PIDD1: variants seen among roughly 807,000 people sequenced by gnomAD.
The protein encoded by PIDD1 is p53-induced death domain-containing protein 1.
PIDD1 carries 72 observed loss-of-function variants against 80.0 expected under a neutral mutation model. That is an observed-to-expected ratio of 0.90 (90% confidence interval 0.74 to 1.09). The LOEUF is 1.09. PIDD1 is among the 50% of genes least tolerant of loss of function. The probability of loss-of-function intolerance (pLI) is 0.00; values close to 1 mark genes in which losing one functional copy is unlikely to be tolerated. For synonymous variants in PIDD1, 655 were observed against 543.5 expected (o/e 1.21, Z -2.85); for missense variants, 1,329 against 1,228.3 (o/e 1.08, Z -1.23).
chr11:805,702 T>C, upstream of PIDD1: 1 of 984,940 alleles, frequency 1.0e-6, no homozygotes, highest in Non-Finnish European at 1.2e-6. Context: ...ACCTCCTCTC[T>C]GGGCCTGCAA....
chr11:799,598 T>G, intron 15 of PIDD1, 33 bp from the exon 16 acceptor site: 1 of 1,562,596 alleles, frequency 6.4e-7, no homozygotes, highest in Non-Finnish European at 8.6e-7. Flanking sequence ...AGAGGGGTCC[T>G]GTCCACCTGC....
upstream of PIDD1, among the ~76,000 whole-genome samples, chr11:808,609 T>A (rs1195603896): frequency 6.6e-6 from 1 of 152,028 alleles, no homozygotes; most frequent in Non-Finnish European, 1.5e-5. Flanking sequence ...GGTGGGAGGA[T>A]CACCTGAGCC....
chr11:801,601 C>T lies in PIDD1; in HGVS notation c.1326G>A (p.Val442=). 1 of 1,562,428 alleles carries T rather than the reference C, an allele frequency of 6.4e-7. No homozygotes were observed. Among genetic ancestry groups the T allele is most frequent in the East Asian group, 2.4e-5 (1 of 42,106 alleles). ...CCACAAGGAACCAGGAGAAGTGGGGCACCTGGCAGTGAGCCCAGAGCCGCT... is the reference window on the plus strand; with the variant it reads ...CCACAAGGAACCAGGAGAAGTGGGGTACCTGGCAGTGAGCCCAGAGCCGCT... The part of the protein sequence containing the change: ...APQRLWAHCQ[V]PHFSWFLVVS... Residue 442 remains valine (V), a synonymous_variant, in exon 8 of 16, where the codon GTG becomes GTA. Transcript: ENST00000347755.
intron 15 of PIDD1, 102 bp downstream of exon 15, chr11:799,713 C>T (rs1565048961): frequency 2.2e-6 from 3 of 1,375,618 alleles, no homozygotes; most frequent in Non-Finnish European, 2.9e-6. Flanking sequence ...TTGCCCTTCC[C>T]CCACCTCCCC....
rs910215432 is a variant in PIDD1 at position 800,600 on chromosome 11, TCTC to T, written c.1981_1983del (p.Glu661del). The T allele has an allele frequency of 1.3e-6, 2 of 1,596,682 alleles. No homozygotes were observed. The highest frequency in any genetic ancestry group is 1.7e-6 in the Non-Finnish European group (2 of 1,173,966). ...GCAAAGAACTCTTCGCCCTCGAACATCTCCACCGTGTCAGAGGGCTCGGGGCCC... is the reference window on the plus strand; with the variant it reads ...GCAAAGAACTCTTCGCCCTCGAACATCACCGTGTCAGAGGGCTCGGGGCCC... On this transcript the variant is annotated inframe_deletion, in exon 12 of 16. Coordinates refer to ENST00000347755, the MANE Select transcript of PIDD1 (RefSeq NM_145886.4).
At chr11:807,262 G>A (rs1256203584), upstream of PIDD1, among the ~76,000 whole-genome samples, 1 of 151,764 alleles carries the variant, frequency 6.6e-6, no homozygotes, top group African/African-American at 2.4e-5. Flanking sequence ...AGGCCGAGGC[G>A]GGTGGATCAG....
upstream of PIDD1, among the ~76,000 whole-genome samples, chr11:808,827 C>A (rs923223553): frequency 6.6e-6 from 1 of 152,228 alleles, no homozygotes; most frequent in Admixed American, 6.5e-5. Context: ...GTAATGATAA[C>A]GAGGCCACAG....
At position 802,789 on chromosome 11, in the gene PIDD1, C is replaced by A; in HGVS notation, c.812G>T (p.Arg271Met). Residue 271 changes from arginine (R) to methionine (M), a missense_variant, in exon 4 of 16, where the codon AGG becomes ATG. Arg to Met is a moderately conservative substitution (Grantham distance 91). Coordinates refer to ENST00000347755, the MANE Select transcript of PIDD1 (RefSeq NM_145886.4). Reference sequence around the variant, plus strand: ...GGGCAGGTCCCGGAGCTGGTTGTCCCTCAGGTCGAGCCGGGTGAGGAGTGG... The same window carrying A: ...GGGCAGGTCCCGGAGCTGGTTGTCCATCAGGTCGAGCCGGGTGAGGAGTGG... The part of the protein sequence containing the change: ...RLPLLTRLDL[R>M]DNQLRDLPPE... 6.2e-7 allele frequency: 1 copy of A among 1,606,930 alleles called. No homozygotes were observed. The highest frequency in any genetic ancestry group is 2.2e-5 in the East Asian group (1 of 44,612).
upstream of PIDD1, among the ~76,000 whole-genome samples, chr11:808,497 G>A (rs1459357716): frequency 1.3e-5 from 2 of 152,232 alleles, no homozygotes; most frequent in Non-Finnish European, 2.9e-5. Flanking sequence ...GGGAGGCCCA[G>A]GTGGGAGGAT....
Position 800,975 on chromosome 11 carries a change from G to T in PIDD1, c.1766+10C>A. 1 of 1,575,356 alleles carries T rather than the reference G, an allele frequency of 6.3e-7. No homozygotes were observed. The highest frequency in any genetic ancestry group is 2.3e-5 in the East Asian group (1 of 44,336). Reference sequence around the variant, plus strand: ...GGGGAGGGGGGCTGAGAAAGCTGGGGGGCACTGACCAGGAGAAGTGTGTGA... The same window carrying T: ...GGGGAGGGGGGCTGAGAAAGCTGGGTGGCACTGACCAGGAGAAGTGTGTGA... On this transcript the variant is annotated intron_variant, in intron 10 of 15. Coordinates refer to ENST00000347755, the MANE Select transcript of PIDD1 (RefSeq NM_145886.4).
chr11:800,225 G>A lies in PIDD1; in HGVS notation c.2180C>T (p.Ala727Val), dbSNP rs138482552. The change falls in exon 14 of 16, where the codon GCG becomes GTG. Residue 727 changes from alanine to valine, a missense_variant. Physicochemically the swap from Ala to Val is moderately conservative, Grantham distance 64. Coordinates refer to ENST00000347755, the MANE Select transcript of PIDD1 (RefSeq NM_145886.4). ...VRGQVSFYRGAVPVRVPEEAE... is the reference protein window; with the variant it reads ...VRGQVSFYRGVVPVRVPEEAE... The stretch of plus-strand genomic sequence containing the variant: ...CTCCTCGGGCACCCGCACAGGCACC[G>A]CGCCACGGTAGAAGGACACCTGAAG... 2.0e-5 allele frequency: 32 copies of A among 1,609,914 alleles called. No homozygotes were observed. The highest frequency in any genetic ancestry group is 1.6e-4 in the Middle Eastern group (1 of 6,072).
At chr11:803,697 C>A (rs1293010393) in intron 2 of PIDD1, 110 bp from the exon 3 acceptor site, 1 of 1,250,076 alleles carries the variant, frequency 8.0e-7, no homozygotes, top group East Asian at 2.5e-5. Context: ...TCCCACCCCA[C>A]CCCCACCCCA....
chr11:800,627 C>T lies in PIDD1; in HGVS notation c.1957G>A (p.Gly653Ser), dbSNP rs1460278876. 2 of 1,599,070 alleles carry T rather than the reference C, an allele frequency of 1.3e-6. No individual in the cohort carries two copies. The highest frequency in any genetic ancestry group is 2.7e-5 in the African/African-American group (2 of 74,804). The change falls in exon 12 of 16, where the codon GGC becomes AGC. Residue 653 changes from glycine to serine, a missense_variant. By Grantham distance (56) the Gly-to-Ser change is moderately conservative. Transcript: ENST00000347755. Reference sequence around the variant, plus strand: ...TCCACCGTGTCAGAGGGCTCGGGGCCCCGGTACCGCTCCAGCAGCCGCCGA... The same window carrying T: ...TCCACCGTGTCAGAGGGCTCGGGGCTCCGGTACCGCTCCAGCAGCCGCCGA... ...TLRRLLERYRGPEPSDTVEMF... is the reference protein window; with the variant it reads ...TLRRLLERYRSPEPSDTVEMF...
In PIDD1 at chr11:800,351, A is replaced by G; in HGVS notation, c.2142T>C (p.Ala714=). 1 of 1,612,866 alleles carries G rather than the reference A, an allele frequency of 6.2e-7. No individual in the cohort carries two copies. The highest frequency in any genetic ancestry group is 8.5e-7 in the Non-Finnish European group (1 of 1,179,976). Reference sequence around the variant, plus strand: ...CGCCCACCTGGCCCCGCACAGCCTGAGCCTCCCGGTCCAGAGTGGTGGTCA... The same window carrying G: ...CGCCCACCTGGCCCCGCACAGCCTGGGCCTCCCGGTCCAGAGTGGTGGTCA... The part of the protein sequence containing the change: ...VYVTTTLDRE[A]QAVRGQVSFY... The change falls in exon 13 of 16, where the codon GCT becomes GCC. Residue 714 remains alanine (A), a synonymous_variant. Transcript: ENST00000347755.
At chr11:799,686 C>T (rs922944617) in intron 15 of PIDD1, 121 bp from the exon 16 acceptor site, 13 of 1,390,138 alleles carry the variant, frequency 9.4e-6, no homozygotes, top group Non-Finnish European at 8.6e-6. Flanking sequence ...CCAGACCTTT[C>T]CTTTCCAGCC....
chr11:801,209 G>A lies in PIDD1; in HGVS notation c.1630+9C>T, dbSNP rs199589415. 5.4e-3 allele frequency: 8,290 copies of A among 1,545,832 alleles called. 33 individuals are homozygous for A. The highest frequency in any genetic ancestry group is 8.7e-3 in the South Asian group (704 of 81,228). ...ACAGGTCCAGGTATGCCCCATGGCT[G>A]CCTCTCACCTGTGATGCCAGAGGGC... is the stretch of plus-strand genomic sequence containing the variant. On this transcript the variant is annotated intron_variant, in intron 9 of 15. Coordinates refer to ENST00000347755, the MANE Select transcript of PIDD1 (RefSeq NM_145886.4).
chr11:808,124 AAT>A (rs1491111909), upstream of PIDD1, among the ~76,000 whole-genome samples: 2 of 80,746 alleles, frequency 2.5e-5, no homozygotes, highest in Non-Finnish European at 5.4e-5. Flanking sequence ...TGTTTGGGAT[AAT>A]AAAAAAAAAG....
At chr11:803,651 C>T in intron 2 of PIDD1, 64 bp from the exon 3 acceptor site, 2 of 1,537,088 alleles carry the variant, frequency 1.3e-6, no homozygotes, top group Non-Finnish European at 8.8e-7. Context: ...ATCGACCCTG[C>T]CAGCCAGAGA....
chr11:802,556 A>G lies in PIDD1; in HGVS notation c.961T>C (p.Ser321Pro). 1 of 1,613,356 alleles carries G rather than the reference A, an allele frequency of 6.2e-7. No homozygotes were observed. Among genetic ancestry groups the G allele is most frequent in the Non-Finnish European group, 8.5e-7 (1 of 1,179,728 alleles). The change falls in exon 5 of 16, where the codon TCA (serine) becomes CCA (proline). Residue 321 changes from serine (S) to proline (P), a missense_variant. Ser to Pro is a moderately conservative substitution (Grantham distance 74). Coordinates refer to ENST00000347755, the MANE Select transcript of PIDD1 (RefSeq NM_145886.4). ...CCCACCCCATACCTGTCCAAATCTG[A>G]GGTCAGGAACAGTCTGGGCATTTCT... is the stretch of plus-strand genomic sequence containing the variant. ...IPEMPRLFLT[S>P]DLDSFPVTPQ... is the part of the protein sequence containing the mutation.
Sources: allele counts gnomAD v4.1 joint callset (sites outside exome capture counted in the v4.1 genomes callset), GRCh38; gene constraint gnomAD v4.1.1; transcripts MANE v1.5; gene names NCBI Gene and HGNC (gene_info 2026-07-23, HGNC 2026-07-21).